CNTN4: variants seen among roughly 807,000 people sequenced by gnomAD.
The protein encoded by CNTN4 is contactin 4.
A neutral mutation model predicts 122.5 loss-of-function variants in CNTN4; 77 were observed. The observed-to-expected ratio is 0.63, with a 90% confidence interval of 0.52 to 0.76. The LOEUF (loss-of-function observed/expected upper bound fraction) is 0.76. Ranked by LOEUF, CNTN4 falls within the 30% of genes least tolerant of loss-of-function variation. CNTN4 has a pLI of 0.00. For missense variants in CNTN4, 1,256 were observed against 1,259.1 expected (o/e 1.00, Z 0.04); for synonymous variants, 512 against 447.0 (o/e 1.15, Z -1.83).
intron 3 of CNTN4, among the ~76,000 whole-genome samples, chr3:2,350,167 A>G (rs4355267): frequency 0.13 from 19,314 of 152,208 alleles, 1,531 homozygotes; most frequent in Non-Finnish European, 0.18. Context: ...TGCTAGGAGA[A>G]TGAAGTTTTA....
At chr3:2,821,003 C>T (rs1019784292) in intron 7 of CNTN4, among the ~76,000 whole-genome samples, 5 of 136,304 alleles carry the variant, frequency 3.7e-5, no homozygotes, top group Non-Finnish European at 7.8e-5. Context: ...GCTTTGTCAC[C>T]CAATCTGGAG....
chr3:2,883,128 C>A lies in CNTN4; in HGVS notation c.653-17C>A, dbSNP rs774409720. 6.4e-7 allele frequency: 1 copy of A among 1,565,214 alleles called. No individual in the cohort carries two copies. The highest frequency in any genetic ancestry group is 8.8e-7 in the Non-Finnish European group (1 of 1,136,146). On this transcript the variant is annotated splice_polypyrimidine_tract_variant and intron_variant, in intron 8 of 24. Coordinates refer to ENST00000418658, the MANE Select transcript of CNTN4 (RefSeq NM_175607.3). ...TTAAAAGAATCTCCAAGACTTAGCC[C>A]CTTTATTTATTCACAGGAGTGATGG...
At chr3:2,863,513 A>C (rs1347023453) in intron 7 of CNTN4, among the ~76,000 whole-genome samples, 4 of 130,032 alleles carry the variant, frequency 3.1e-5, no homozygotes, top group Admixed American at 7.4e-5. Context: ...AATTGGGGAA[A>C]CATTACAACT....
intron 3 of CNTN4, among the ~76,000 whole-genome samples, chr3:2,366,494 G>A (rs910068060): frequency 3.3e-4 from 50 of 152,000 alleles, no homozygotes; most frequent in Non-Finnish European, 6.3e-4. Flanking sequence ...TTGGGAGGCC[G>A]AGGTGGGCGG....
chr3:2,866,782 A>G lies in CNTN4; in HGVS notation c.485A>G (p.Tyr162Cys), dbSNP rs1303489357. 1 of 1,613,950 alleles carries G rather than the reference A, an allele frequency of 6.2e-7. No individual in the cohort carries two copies. Among genetic ancestry groups the G allele is most frequent in the East Asian group, 2.2e-5 (1 of 44,870 alleles). Residue 162 changes from tyrosine to cysteine, a missense_variant, in exon 8 of 25, where the codon TAC becomes TGC. Physicochemically the swap from Tyr to Cys is radical, Grantham distance 194 (BLOSUM62 -2). Coordinates refer to ENST00000418658, the MANE Select transcript of CNTN4 (RefSeq NM_175607.3). Reference sequence around the variant, plus strand: ...AGTTATGCCTGGATCTTCAATGAATACCCTTCCTATCAGGATAATCGCCGC... The same window carrying G: ...AGTTATGCCTGGATCTTCAATGAATGCCCTTCCTATCAGGATAATCGCCGC... ...ELSYAWIFNEYPSYQDNRRFV... is the reference protein window; with the variant it reads ...ELSYAWIFNECPSYQDNRRFV...
intron 3 of CNTN4, among the ~76,000 whole-genome samples, chr3:2,532,974 A>T (rs1447510512): frequency 1.3e-5 from 2 of 152,108 alleles, no homozygotes; most frequent in African/African-American, 4.8e-5. Context: ...AGAAATGAGA[A>T]CCATCCTTGA....
intron 3 of CNTN4, among the ~76,000 whole-genome samples, chr3:2,413,505 T>C (rs2047302664): frequency 6.6e-6 from 1 of 152,210 alleles, no homozygotes; most frequent in Non-Finnish European, 1.5e-5. Flanking sequence ...AAATTTTTCA[T>C]AGTATTTTTC....
In CNTN4 at chr3:2,819,476, C is replaced by T; in HGVS notation, c.359-10C>T. 8.1e-6 allele frequency: 13 copies of T among 1,605,028 alleles called. No individual in the cohort carries two copies. The highest frequency in any genetic ancestry group is 1.1e-5 in the Non-Finnish European group (13 of 1,171,754). ...AGTTTAAATGCTTTTTCCCATATTTCTCCCAACAGATCTTGACAACTTTAA... is the reference window on the plus strand; with the variant it reads ...AGTTTAAATGCTTTTTCCCATATTTTTCCCAACAGATCTTGACAACTTTAA... On this transcript the variant is annotated splice_polypyrimidine_tract_variant and intron_variant, in intron 6 of 24. Transcript: ENST00000418658.
chr3:2,400,412 T>TATATATATATATATATATAC (rs2046800399), intron 3 of CNTN4, among the ~76,000 whole-genome samples: 1 of 62,158 alleles, frequency 1.6e-5, no homozygotes, highest in Admixed American at 2.3e-4. Context: ...TGAATATATA[T>TATATATATATATATATATAC]ATATATATAT....
chr3:2,353,384 G>T (rs9865430), intron 3 of CNTN4, among the ~76,000 whole-genome samples: 3 of 152,060 alleles, frequency 2.0e-5, no homozygotes, highest in Non-Finnish European at 4.4e-5. Context: ...CAGGCTGCCC[G>T]ATCCCTGCAG....
intron 3 of CNTN4, among the ~76,000 whole-genome samples, chr3:2,482,174 T>C (rs1363269060): frequency 1.2e-4 from 18 of 152,220 alleles, no homozygotes. Context: ...ATGCTGATAG[T>C]GATATGGACA....
At chr3:2,883,791 TTTA>T (rs1305248446) in intron 9 of CNTN4, among the ~76,000 whole-genome samples, 1 of 152,222 alleles carries the variant, frequency 6.6e-6, no homozygotes, top group African/African-American at 2.4e-5. Context: ...TGTTTACAAC[TTTA>T]TTATTCAGTG....
intron 3 of CNTN4, among the ~76,000 whole-genome samples, chr3:2,462,694 AAG>A (rs1433522672): frequency 1.3e-5 from 2 of 152,190 alleles, no homozygotes; most frequent in African/African-American, 4.8e-5. Context: ...TATTTCTCAC[AAG>A]AGTTTCCAAG....
intron 3 of CNTN4, among the ~76,000 whole-genome samples, chr3:2,365,169 G>A (rs2045324211): frequency 6.6e-6 from 1 of 152,030 alleles, no homozygotes; most frequent in Non-Finnish European, 1.5e-5. Context: ...AGGTAATAAT[G>A]TATCCAGGAT....
intron 2 of CNTN4, among the ~76,000 whole-genome samples, chr3:2,206,368 C>G (rs555486275): frequency 6.6e-6 from 1 of 152,150 alleles, no homozygotes; most frequent in South Asian, 2.1e-4. Flanking sequence ...GGTCAATGTT[C>G]ATTTCATTTG....
intron 3 of CNTN4, among the ~76,000 whole-genome samples, chr3:2,494,368 G>C (rs1413852795): frequency 1.3e-5 from 2 of 152,168 alleles, no homozygotes; most frequent in African/African-American, 2.4e-5. Flanking sequence ...GGGCTTACAG[G>C]TAATGGGTAG....
intron 2 of CNTN4, among the ~76,000 whole-genome samples, chr3:2,160,295 T>C (rs1247937974): frequency 1.3e-5 from 2 of 152,066 alleles, no homozygotes; most frequent in South Asian, 2.1e-4. Context: ...GTGAACTAAA[T>C]AGGAGAGGTC....
chr3:2,125,330 C>CTCTCTCTG (rs138301374), intron 2 of CNTN4, among the ~76,000 whole-genome samples: 20 of 143,472 alleles, frequency 1.4e-4, no homozygotes, highest in African/African-American at 5.2e-4. Context: ...ATTCTATTCT[C>CTCTCTCTG]TGTGTGTGTG....
intron 13 of CNTN4, among the ~76,000 whole-genome samples, chr3:2,963,022 G>T (rs533382880): frequency 6.6e-6 from 1 of 152,038 alleles, no homozygotes; most frequent in Non-Finnish European, 1.5e-5. Flanking sequence ...ATCCCCTCCC[G>T]CATTCTGGAT....
Sources: gnomAD v4.1 joint callset for allele counts (sites outside exome capture counted in the v4.1 genomes callset) on GRCh38, gnomAD v4.1.1 for gene constraint, MANE v1.5 for transcripts, NCBI Gene and HGNC (gene_info 2026-07-23, HGNC 2026-07-21) for gene names.